Variants in BRCA1 observed in about 807,000 individuals in gnomAD.
BRCA1 encodes the protein breast cancer type 1 susceptibility protein.
Under a neutral mutation model 173.7 loss-of-function variants are expected in BRCA1, and 140 were observed. The ratio of observed to expected loss-of-function variants is 0.81; its 90% confidence interval spans 0.70 to 0.93. BRCA1 has a LOEUF of 0.93. Among genes scored for constraint, BRCA1 ranks in the 40% least tolerant of loss-of-function variants. The pLI is 0.00. For missense variants in BRCA1, 1,983 were observed against 2,172.5 expected, an observed-to-expected ratio of 0.91 and a Z score of 1.73; for synonymous variants, 662 against 756.0, an observed-to-expected ratio of 0.88 and a Z score of 2.04.
intron 1 of BRCA1, among the ~76,000 whole-genome samples, chr17:43,134,653 A>G (rs1443979447): frequency 6.6e-6 from 1 of 152,120 alleles, no homozygotes; most frequent in Non-Finnish European, 1.5e-5. Flanking sequence ...AGTTGTCTCT[A>G]TGTCCTTATT....
At chr17:43,099,276 C>CT (rs530063951) in intron 7 of BRCA1, among the ~76,000 whole-genome samples, 65 of 142,244 alleles carry the variant, frequency 4.6e-4, no homozygotes, top group Non-Finnish European at 5.0e-4. Context: ...CTTTTGCTCT[C>CT]TTTTTTTTTT....
chr17:43,161,991 C>G (rs181850758), intron 1 of BRCA1: 5 of 152,326 alleles, frequency 3.3e-5, no homozygotes, highest in Admixed American at 3.3e-4. Flanking sequence ...CATTTGTAAA[C>G]TTCTCCTCGA....
rs561998108 is a variant in BRCA1, at chr17:43,094,608, C to G, written c.923G>C (p.Ser308Thr). Residue 308 changes from serine to threonine, a missense_variant, in exon 10 of 23, where the codon AGC becomes ACC. Coordinates refer to ENST00000357654, the MANE Select transcript of BRCA1 (RefSeq NM_007294.4). ...GCTCCTTGCTAAGCCAGGCTGTTTG[C>G]TTTTATTACAGAATTCAGCCTTTTC... The part of the protein sequence containing the change: ...NVEKAEFCNK[S>T]KQPGLARSQH... The G allele has an allele frequency of 3.1e-6, 5 of 1,614,132 alleles. No homozygotes were observed. The African/African-American group carries it at 4.0e-5, about 13-fold the overall frequency.
intron 17 of BRCA1, 62 bp downstream of exon 17, chr17:43,063,812 A>C: frequency 7.3e-7 from 1 of 1,365,074 alleles, no homozygotes; most frequent in African/African-American, 1.4e-5. Flanking sequence ...GTTAAACGTT[A>C]GGTGTAAAAA....
intron 18 of BRCA1, among the ~76,000 whole-genome samples, 197 bp downstream of exon 18, chr17:43,063,136 C>T (rs1381915636): frequency 6.6e-6 from 1 of 151,830 alleles, no homozygotes. Flanking sequence ...GTGATCCAAG[C>T]GCCTCAGCCT....
chr17:43,077,191 C>A (rs938100313), intron 12 of BRCA1, among the ~76,000 whole-genome samples: 1 of 151,994 alleles, frequency 6.6e-6, no homozygotes, highest in African/African-American at 2.4e-5. Flanking sequence ...AACAAATAAA[C>A]CCCCTAAACC....
intron 22 of BRCA1, among the ~76,000 whole-genome samples, chr17:43,046,248 G>C (rs1477810266): frequency 6.4e-5 from 1 of 15,578 alleles, no homozygotes; most frequent in East Asian, 2.1e-3. Context: ...TTTTTTTTTT[G>C]AGACGGAGTC....
At position 43,093,135 on chromosome 17, in the gene BRCA1, T is replaced by C. The variant is rs587782027; in HGVS notation, c.2396A>G (p.Asn799Ser). 1 of 1,613,612 alleles carries C rather than the reference T, an allele frequency of 6.2e-7. No homozygotes were observed. The highest frequency in any genetic ancestry group is 8.5e-7 in the Non-Finnish European group (1 of 1,179,856). Residue 799 changes from asparagine (N) to serine (S), a missense_variant, in exon 10 of 23, where the codon AAT becomes AGT. Coordinates refer to ENST00000357654, the MANE Select transcript of BRCA1 (RefSeq NM_007294.4). The part of the protein sequence containing the change: ...STLGKAKTEP[N>S]KCVSQCAAFE... ...TGCTGCACACTGACTCACACATTTA[T>C]TTGGTTCTGTTTTTGCCTTCCCTAG...
intron 6 of BRCA1, 28 bp downstream of exon 6, chr17:43,104,094 A>C: frequency 6.3e-7 from 1 of 1,599,040 alleles, no homozygotes; most frequent in African/African-American, 1.3e-5. Context: ...AAGAAGAAGA[A>C]GAAGAAGAAG....
chr17:43,061,422 T>C (rs571821518), intron 18 of BRCA1, among the ~76,000 whole-genome samples: 1 of 152,118 alleles, frequency 6.6e-6, no homozygotes, highest in Non-Finnish European at 1.5e-5. Context: ...AGAACCTGAA[T>C]CCTACCAGGG....
At chr17:43,056,941 G>T in intron 19 of BRCA1, 111 bp downstream of exon 19, 1 of 946,554 alleles carries the variant, frequency 1.1e-6, no homozygotes, top group Non-Finnish European at 1.7e-6. Context: ...ATCTAGCACT[G>T]TGTATGTATG....
chr17:43,109,867 C>T (rs184336950), intron 3 of BRCA1, among the ~76,000 whole-genome samples: 15 of 151,462 alleles, frequency 9.9e-5, no homozygotes, highest in East Asian at 1.9e-4. Flanking sequence ...GAACTAGATA[C>T]GCAAAAATCA....
intron 3 of BRCA1, among the ~76,000 whole-genome samples, chr17:43,113,003 A>G (rs1567816372): frequency 6.6e-6 from 1 of 152,010 alleles, no homozygotes. Flanking sequence ...GGGTTTCTCT[A>G]TGTTGGTCAG....
chr17:43,115,889 C>A, intron 2 of BRCA1, 110 bp from the exon 3 acceptor site: 3 of 1,078,712 alleles, frequency 2.8e-6, no homozygotes, highest in South Asian at 2.9e-5. Context: ...ATGACTGAGT[C>A]AACATAAGGC....
intron 14 of BRCA1, among the ~76,000 whole-genome samples, chr17:43,071,933 G>A (rs536947481): frequency 3.0e-4 from 46 of 151,690 alleles, no homozygotes; most frequent in East Asian, 2.1e-3. Flanking sequence ...GCGTGTACCC[G>A]GGAGGCAGAG....
At chr17:43,148,790 T>C (rs1192719754) in intron 1 of BRCA1, 1 of 167,998 alleles carries the variant, frequency 6.0e-6, no homozygotes, top group Non-Finnish European at 1.5e-5. Flanking sequence ...GACTCTGTTT[T>C]GGAAGAAAAC....
chr17:43,108,994 AAAAACAAAAC>A (rs774309689), intron 3 of BRCA1, among the ~76,000 whole-genome samples: 14 of 152,090 alleles, frequency 9.2e-5, no homozygotes, highest in South Asian at 2.1e-4. Context: ...ACTCCATCTC[AAAAACAAAAC>A]AAAACAAAAC....
intron 2 of BRCA1, among the ~76,000 whole-genome samples, chr17:43,121,281 A>AG (rs1223730668): frequency 6.6e-6 from 1 of 152,026 alleles, no homozygotes; most frequent in East Asian, 1.9e-4. Context: ...AGGCTGAGGC[A>AG]GGAGAATGGC....
At chr17:43,114,978 G>T (rs2055196661) in intron 3 of BRCA1, among the ~76,000 whole-genome samples, 1 of 152,028 alleles carries the variant, frequency 6.6e-6, no homozygotes, top group Admixed American at 6.6e-5. Flanking sequence ...ATGAATTTTG[G>T]CCTAAATAGA....
Sources: allele counts gnomAD v4.1 joint callset (sites outside exome capture counted in the v4.1 genomes callset), GRCh38; gene constraint gnomAD v4.1.1; transcripts MANE v1.5; gene names NCBI Gene and HGNC (gene_info 2026-07-23, HGNC 2026-07-21).